Variants in CFH observed in about 807,000 individuals in gnomAD.
The protein encoded by CFH is H factor 1 (complement).
Under a neutral mutation model 147.3 loss-of-function variants are expected in CFH, and 53 were observed. The ratio of observed to expected loss-of-function variants is 0.36; its 90% CI spans 0.29 to 0.45. The LOEUF (loss-of-function observed/expected upper bound fraction) is 0.45, where lower values mean the gene tolerates loss of function less well. CFH is among the 20% of genes least tolerant of loss of function. The probability of loss-of-function intolerance (pLI) is 1.00; values close to 1 mark genes in which losing one functional copy is unlikely to be tolerated. For synonymous variants in CFH, 536 were observed against 489.4 expected (o/e 1.10, Z -1.26); for missense variants, 1,380 against 1,498.0 (o/e 0.92, Z 1.30).
At chr1:196,710,057 CAG>C (rs1553277562) in intron 9 of CFH, among the ~76,000 whole-genome samples, 15 of 151,218 alleles carry the variant, frequency 9.9e-5, no homozygotes, top group African/African-American at 2.7e-4. Flanking sequence ...CACAGACACA[CAG>C]ACACACACAT....
chr1:196,714,353 T>C (rs149178660), intron 10 of CFH, among the ~76,000 whole-genome samples: 65 of 151,930 alleles, frequency 4.3e-4, no homozygotes, highest in African/African-American at 1.5e-3. Context: ...TTTGTAGATT[T>C]GACACTGTAG....
chr1:196,694,647 G>A (rs530400870), intron 9 of CFH, among the ~76,000 whole-genome samples: 28 of 152,158 alleles, frequency 1.8e-4, no homozygotes, highest in African/African-American at 4.1e-4. Context: ...CTATTTCTCC[G>A]CATCCTCGCC....
chr1:196,737,017 T>C lies in CFH; in HGVS notation c.2596+11T>C, dbSNP rs1452656582. On this transcript the variant is annotated intron_variant, in intron 16 of 21. Transcript: ENST00000367429. ...TACCACTCTGTGTTGGTCAGTAGTG[T>C]ATAATTTGTTTTACATAATTCTTTC... 1.9e-6 allele frequency: 3 copies of C among 1,603,960 alleles called. No homozygotes were observed. The highest frequency in any genetic ancestry group is 2.6e-6 in the Non-Finnish European group (3 of 1,172,522).
chr1:196,673,209 A>T (rs749536139), intron 2 of CFH, 46 bp downstream of exon 2: 1 of 1,496,062 alleles, frequency 6.7e-7, no homozygotes. Flanking sequence ...CTAGGTGTAA[A>T]AATACTTAAG....
chr1:196,690,000 C>T, intron 8 of CFH, 63 bp from the exon 9 acceptor site: 4 of 1,460,622 alleles, frequency 2.7e-6, no homozygotes, highest in Non-Finnish European at 3.7e-6. Context: ...TTGTAATATA[C>T]TATTTTGAGC....
intron 9 of CFH, among the ~76,000 whole-genome samples, chr1:196,698,168 G>A (rs928713848): frequency 1.7e-4 from 26 of 152,072 alleles, no homozygotes; most frequent in African/African-American, 6.0e-4. Context: ...AATAAAAAAA[G>A]AATTAGAGAA....
rs566172298 is a variant in CFH at position 196,704,802 on chromosome 1, T to C, written c.1337-8933T>C. Among the ~76,000 whole-genome samples the C allele has an allele frequency of 2.0e-5, 3 of 152,342 alleles. No individual in the cohort carries two copies. In the South Asian group the frequency reaches 6.2e-4, roughly 32 times the overall value. ...GACAAAAACATGGAACTGAGGATTA[T>C]TGGTTTGTACAGGATTTGAGGGCTA... On this transcript the variant is annotated intron_variant, in intron 9 of 21. Transcript: ENST00000367429.
At chr1:196,718,718 C>A (rs1342142639) in intron 11 of CFH, among the ~76,000 whole-genome samples, 1 of 152,046 alleles carries the variant, frequency 6.6e-6, no homozygotes, top group Non-Finnish European at 1.5e-5. Flanking sequence ...CTTCAGTAGT[C>A]TTTCCAATCA....
rs71131720 is a variant in CFH at position 196,692,901 on chromosome 1, C to CCCTTCCTTCCTTCCTT, written c.1336+2680_1336+2695dup. On this transcript the variant is annotated intron_variant, in intron 9 of 21. Coordinates refer to ENST00000367429, the MANE Select transcript of CFH (RefSeq NM_000186.4). Reference sequence around the variant, plus strand: ...CACCTCCCTCCCTCCCTCCCTCCCTCCCTTCCTTCCTTCCTTCCTTCCTTC... The same window carrying CCCTTCCTTCCTTCCTT: ...CACCTCCCTCCCTCCCTCCCTCCCTCCCTTCCTTCCTTCCTTCCTTCCTTCCTTCCTTCCTTCCTTC... Among the ~76,000 whole-genome samples the CCCTTCCTTCCTTCCTT allele has an allele frequency of 4.1e-3, 288 of 70,718 alleles. 19 individuals carry two copies. The highest frequency in any genetic ancestry group is 0.027 in the East Asian group (84 of 3,108). The allele number at this position is 70,718 out of a possible 152,430, so 46.4% of individuals were successfully genotyped here.
chr1:196,693,290 A>T (rs1668129695), intron 9 of CFH, among the ~76,000 whole-genome samples: 2 of 152,122 alleles, frequency 1.3e-5, no homozygotes, highest in Admixed American at 6.6e-5. Context: ...ATAGTCATTT[A>T]AATAAAAAAT....
At chr1:196,678,521 C>G (rs2149081352) in intron 5 of CFH, 1 of 151,984 alleles carries the variant, frequency 6.6e-6, no homozygotes. Context: ...AAAAGAATTT[C>G]TCTTCTTAAG....
rs520992 is a variant in CFH, at chr1:196,652,379, T to A, written c.58+204T>A. ...TATATCTAAATATTCATCATAATTA[T>A]ATTTAATATAAAATAGAATAAAATG... On this transcript the variant is annotated intron_variant, in intron 1 of 21. Transcript: ENST00000367429. Among the ~76,000 whole-genome samples the A allele has an allele frequency of 0.036, 5,428 of 152,038 alleles. 361 individuals carry two copies. The highest frequency in any genetic ancestry group is 0.12 in the African/African-American group (5,162 of 41,528).
intron 6 of CFH, 73 bp downstream of exon 6, chr1:196,679,866 CT>C (rs1667589677): frequency 4.5e-6 from 6 of 1,333,760 alleles, no homozygotes; most frequent in Non-Finnish European, 5.2e-6. Flanking sequence ...AATAAATCCA[CT>C]TATTTTAATC....
intron 15 of CFH, among the ~76,000 whole-genome samples, chr1:196,730,837 T>C (rs965032791): frequency 1.3e-5 from 2 of 151,824 alleles, no homozygotes; most frequent in Admixed American, 1.3e-4. Flanking sequence ...ATAATAACTT[T>C]CTTTGTACCT....
rs1383156808 is a variant in CFH, at chr1:196,740,655, GTGT to G, written c.2823_2825del (p.Val942del). 2 of 1,613,628 alleles carry G rather than the reference GTGT, an allele frequency of 1.2e-6. No individual in the cohort carries two copies. The highest frequency in any genetic ancestry group is 1.7e-6 in the Non-Finnish European group (2 of 1,179,898). On this transcript the variant is annotated inframe_deletion, in exon 18 of 22. Coordinates refer to ENST00000367429, the MANE Select transcript of CFH (RefSeq NM_000186.4). The stretch of plus-strand genomic sequence containing the variant: ...AAATCTCCACCTGAGATTTCTCATG[GTGT>G]TGTAGCTCACATGTCAGACAGTTAT...
At chr1:196,706,142 C>T (rs1438248281) in intron 9 of CFH, among the ~76,000 whole-genome samples, 1 of 151,954 alleles carries the variant, frequency 6.6e-6, no homozygotes, top group Non-Finnish European at 1.5e-5. Context: ...GAAGGCAGAA[C>T]TTAGAGTCCT....
chr1:196,655,162 C>G (rs984762994), intron 1 of CFH, among the ~76,000 whole-genome samples: 3 of 151,942 alleles, frequency 2.0e-5, no homozygotes, highest in Non-Finnish European at 4.4e-5. Flanking sequence ...TATCATCTGA[C>G]AACTTCCCTG....
At chr1:196,714,629 A>G (rs867021616) in intron 10 of CFH, among the ~76,000 whole-genome samples, 6 of 62,552 alleles carry the variant, frequency 9.6e-5, no homozygotes, top group Middle Eastern at 7.2e-3. Flanking sequence ...GTGTATACGT[A>G]TATATGTATA....
intron 9 of CFH, among the ~76,000 whole-genome samples, chr1:196,710,806 C>G (rs1181840736): frequency 2.0e-5 from 3 of 151,770 alleles, no homozygotes; most frequent in African/African-American, 7.3e-5. Context: ...CATACAGATC[C>G]TGTATTTTAC....
Sources: allele counts gnomAD v4.1 joint callset (sites outside exome capture counted in the v4.1 genomes callset), GRCh38; gene constraint gnomAD v4.1.1; transcripts MANE v1.5; gene names NCBI Gene and HGNC (gene_info 2026-07-23, HGNC 2026-07-21).